The following SLC4A8 variants were observed in gnomAD, a reference collection of about 807,000 sequenced individuals.
The protein encoded by SLC4A8 is electroneutral sodium bicarbonate exchanger 1.
Under a neutral mutation model 125.0 loss-of-function variants are expected in SLC4A8, and 40 were observed. The observed-to-expected ratio is 0.32, with a 90% CI of 0.25 to 0.42. The LOEUF (loss-of-function observed/expected upper bound fraction) is 0.42, where lower values mean the gene tolerates loss of function less well. Among genes scored for constraint, SLC4A8 ranks in the 10% least tolerant of loss-of-function variants. The probability of loss-of-function intolerance (pLI) is 1.00; values close to 1 mark genes in which losing one functional copy is unlikely to be tolerated. For synonymous variants in SLC4A8, 456 were observed against 476.0 expected (o/e 0.96, Z 0.55); for missense variants, 863 against 1,355.1 (o/e 0.64, Z 5.70).
intron 14 of SLC4A8, among the ~76,000 whole-genome samples, chr12:51,472,375 C>A (rs1328285981): frequency 1.3e-5 from 2 of 152,182 alleles, no homozygotes; most frequent in African/African-American, 4.8e-5. Flanking sequence ...GCGACAGATA[C>A]ACTTTCATCT....
At chr12:51,442,022 T>C (rs1307110876) in intron 2 of SLC4A8, among the ~76,000 whole-genome samples, 3 of 152,166 alleles carry the variant, frequency 2.0e-5, no homozygotes, top group African/African-American at 7.2e-5. Flanking sequence ...CCCTTGTGTG[T>C]TAGGCATTAG....
chr12:51,488,130 A>C (rs890787204), intron 17 of SLC4A8, among the ~76,000 whole-genome samples: 1 of 152,244 alleles, frequency 6.6e-6, no homozygotes, highest in Non-Finnish European at 1.5e-5. Flanking sequence ...GACTGTTTCA[A>C]AGGGGATTCG....
intron 1 of SLC4A8, among the ~76,000 whole-genome samples, chr12:51,401,499 C>T (rs544829668): frequency 1.3e-5 from 2 of 152,284 alleles, no homozygotes; most frequent in East Asian, 3.9e-4. Context: ...GGGCCGATGG[C>T]GTGCCAGCGT....
In SLC4A8 at chr12:51,441,122, A is replaced by G. The variant is rs553902629; in HGVS notation, c.130+333A>G. On this transcript the variant is annotated intron_variant, in intron 2 of 24. Transcript: ENST00000453097. ...GTTAATTCTTGACAACTGCCTGGAA[A>G]TACAAATAAATACAAAACTTAAAGA... 17 of 1,007,004 alleles carry G rather than the reference A, an allele frequency of 1.7e-5. No individual in the cohort carries two copies. In the African/African-American group the frequency reaches 2.9e-4, roughly 17 times the overall value. 62.4% of individuals were successfully genotyped at this position (1,007,004 alleles called of 1,614,324 possible).
In SLC4A8 at chr12:51,493,766, A is replaced by G. The variant is rs1951384354; in HGVS notation, c.2763A>G (p.Gly921=). 1 of 1,598,082 alleles carries G rather than the reference A, an allele frequency of 6.3e-7. No homozygotes were observed. Among genetic ancestry groups the G allele is most frequent in the Admixed American group, 1.7e-5 (1 of 59,978 alleles). The part of the protein sequence containing the change: ...FLYMGVSSLQ[G]IQFFDRLKLF... ...ACATGGGAGTTTCTTCACTACAGGG[A>G]ATTCAGGTATTGTATGGTTCAGCCA... The change falls in exon 20 of 25, where the codon GGA becomes GGG. Residue 921 remains glycine (G), a synonymous_variant. Transcript: ENST00000453097.
chr12:51,400,765 T>TACACAC (rs1948364470), intron 1 of SLC4A8, among the ~76,000 whole-genome samples: 4 of 7,922 alleles, frequency 5.0e-4, no homozygotes, highest in African/African-American at 1.3e-3. Flanking sequence ...TATATATATA[T>TACACAC]ATATATATAT....
chr12:51,440,261 G>T (rs1174338993), intron 1 of SLC4A8, among the ~76,000 whole-genome samples: 1 of 152,142 alleles, frequency 6.6e-6, no homozygotes, highest in Non-Finnish European at 1.5e-5. Flanking sequence ...GAGATTTACA[G>T]CCACAAGACC....
rs1280309467 is a variant in SLC4A8, at chr12:51,462,290, G to A, written c.1102-20G>A. 1 of 1,612,054 alleles carries A rather than the reference G, an allele frequency of 6.2e-7. No homozygotes were observed. Among genetic ancestry groups the A allele is most frequent in the East Asian group, 2.2e-5 (1 of 44,862 alleles). On this transcript the variant is annotated intron_variant, in intron 9 of 24. Coordinates refer to ENST00000453097, the MANE Select transcript of SLC4A8 (RefSeq NM_001039960.3). ...GTAAAGTTACTTTTAACTTTCCTGA[G>A]GGTTTTCTCTTCTCTGTAGATTTTT...
chr12:51,456,476 G>A (rs1377649324), intron 5 of SLC4A8, among the ~76,000 whole-genome samples: 2 of 152,124 alleles, frequency 1.3e-5, no homozygotes, highest in Non-Finnish European at 1.5e-5. Context: ...TTCACATCAG[G>A]TACCTAATAT....
intron 2 of SLC4A8, among the ~76,000 whole-genome samples, chr12:51,450,105 C>G (rs1234451041): frequency 1.3e-5 from 2 of 152,032 alleles, no homozygotes; most frequent in Non-Finnish European, 2.9e-5. Context: ...TCATGTTCCC[C>G]TCTCTTTGTA....
Position 51,469,696 on chromosome 12 carries a change from T to C in SLC4A8, c.1432T>C (p.Cys478Arg). The C allele has an allele frequency of 6.2e-7, 1 of 1,613,486 alleles. No individual in the cohort carries two copies. Among genetic ancestry groups the C allele is most frequent in the Non-Finnish European group, 8.5e-7 (1 of 1,179,876 alleles). ...CTACCGAGATGCACTCAGCTTACAG[T>C]GTTTGGCTTCCTTTCTGTTCCTGTA... ...SDYRDALSLQ[C>R]LASFLFLYCA... Residue 478 changes from cysteine (C) to arginine (R), a missense_variant, in exon 12 of 25, where the codon TGT becomes CGT. By Grantham distance (180) the Cys-to-Arg change is radical (BLOSUM62 -3). Transcript: ENST00000453097.
intron 1 of SLC4A8, among the ~76,000 whole-genome samples, chr12:51,429,799 C>T (rs961199722): frequency 3.3e-5 from 5 of 151,832 alleles, no homozygotes; most frequent in African/African-American, 1.2e-4. Context: ...ATGACCACCA[C>T]GCCCAGCCGG....
chr12:51,400,809 A>T (rs1236648428), intron 1 of SLC4A8, among the ~76,000 whole-genome samples: 3 of 100,362 alleles, frequency 3.0e-5, no homozygotes, highest in Admixed American at 1.0e-4. Flanking sequence ...CACATATATA[A>T]ACATATATGT....
intron 1 of SLC4A8, among the ~76,000 whole-genome samples, chr12:51,435,346 C>G (rs1949369179): frequency 6.6e-6 from 1 of 152,138 alleles, no homozygotes; most frequent in African/African-American, 2.4e-5. Context: ...CTCTGTGGTA[C>G]CACTCTATGG....
Position 51,427,173 on chromosome 12 carries a change from C to T in SLC4A8, c.48+2138C>T, listed in dbSNP as rs931170788. Among the ~76,000 whole-genome samples the T allele has an allele frequency of 1.8e-4, 27 of 152,084 alleles. 1 individual carries two copies. Among genetic ancestry groups the T allele is most frequent in the East Asian group, 1.9e-4 (1 of 5,164 alleles). On this transcript the variant is annotated intron_variant, in intron 1 of 24. Transcript: ENST00000453097. The stretch of plus-strand genomic sequence containing the variant: ...TAGGATGGTCTTGATCTCCTGACCT[C>T]GTGATCTGCCCGCCTCGGCCTCCCA...
At chr12:51,470,732 T>C (rs1051160300) in intron 13 of SLC4A8, among the ~76,000 whole-genome samples, 5 of 152,228 alleles carry the variant, frequency 3.3e-5, no homozygotes, top group African/African-American at 1.2e-4. Context: ...AGAGCTTGAT[T>C]AATATTCCTC....
chr12:51,479,590 C>T (rs1337261318), intron 16 of SLC4A8, among the ~76,000 whole-genome samples: 3 of 149,548 alleles, frequency 2.0e-5, no homozygotes, highest in Non-Finnish European at 1.5e-5. Flanking sequence ...GGTTGAGGCA[C>T]GAGAATTGCT....
chr12:51,428,885 G>A (rs1276508124), intron 1 of SLC4A8, among the ~76,000 whole-genome samples: 2 of 152,150 alleles, frequency 1.3e-5, no homozygotes, highest in Admixed American at 6.6e-5. Flanking sequence ...TAATAAAGAG[G>A]TTAAGTAATT....
intron 2 of SLC4A8, among the ~76,000 whole-genome samples, chr12:51,449,254 A>G (rs1949886213): frequency 6.6e-6 from 1 of 152,064 alleles, no homozygotes; most frequent in Non-Finnish European, 1.5e-5. Flanking sequence ...CCTGGGCAAC[A>G]TGGCAGGACT....
Sources: gnomAD v4.1 joint callset for allele counts (sites outside exome capture counted in the v4.1 genomes callset) on GRCh38, gnomAD v4.1.1 for gene constraint, MANE v1.5 for transcripts, NCBI Gene and HGNC (gene_info 2026-07-23, HGNC 2026-07-21) for gene names.